Variants in RGPD2 observed in about 807,000 individuals in gnomAD.
RGPD2 encodes the protein RANBP2 like and GRIP domain containing 2, also known as RANBP2-like and GRIP domain-containing protein 2.
A neutral mutation model predicts 36.0 loss-of-function variants in RGPD2; 2 were observed. That is an observed-to-expected ratio of 0.06 (90% CI 0.02 to 0.17). The LOEUF (loss-of-function observed/expected upper bound fraction) is 0.17, where lower values mean the gene tolerates loss of function less well. Ranked by LOEUF, RGPD2 falls within the 10% of genes least tolerant of loss-of-function variation. The probability of loss-of-function intolerance (pLI) is 1.00; values close to 1 mark genes in which losing one functional copy is unlikely to be tolerated. For missense variants in RGPD2, 40 were observed against 464.3 expected (o/e 0.09, Z 8.40); for synonymous variants, 19 against 163.8 (o/e 0.12, Z 6.75).
the RGPD2 span, among the ~76,000 whole-genome samples, chr2:87,989,439 A>G: frequency 1.3e-5 from 2 of 152,218 alleles, no homozygotes; most frequent in East Asian, 1.9e-4. Flanking sequence ...TAATGAGATG[A>G]CAAAAAATCA....
the RGPD2 span, chr2:87,985,653 A>C: frequency 3.0e-6 from 4 of 1,327,962 alleles, no homozygotes; most frequent in Non-Finnish European, 4.3e-6. Flanking sequence ...ATGTAGTCTC[A>C]ATGTTATATT....
the RGPD2 span, among the ~76,000 whole-genome samples, chr2:87,976,322 A>G: frequency 6.6e-6 from 1 of 152,232 alleles, no homozygotes; most frequent in Non-Finnish European, 1.5e-5. Context: ...ATTGAAAATT[A>G]TCTAGTGCAA....
chr2:87,983,829 T>C, the RGPD2 span, among the ~76,000 whole-genome samples: 57 of 152,106 alleles, frequency 3.7e-4, no homozygotes, highest in Admixed American at 3.3e-3. Flanking sequence ...AGAAACATGC[T>C]GGCAGTGCTC....
chr2:87,842,973 T>G, the RGPD2 span, among the ~76,000 whole-genome samples: 3 of 149,700 alleles, frequency 2.0e-5, no homozygotes, highest in African/African-American at 7.4e-5. Flanking sequence ...GGATTCCCTA[T>G]TTAATAAATG....
chr2:87,939,953 A>C, the RGPD2 span, among the ~76,000 whole-genome samples: 1 of 152,112 alleles, frequency 6.6e-6, no homozygotes, highest in Admixed American at 6.6e-5. Context: ...CTTTAAGAGC[A>C]TGAACATTTT....
chr2:87,772,827 A>G (rs1419702491), intron 21 of RGPD2, among the ~76,000 whole-genome samples: 1 of 150,968 alleles, frequency 6.6e-6, no homozygotes, highest in Admixed American at 6.6e-5. Flanking sequence ...CTTACCAAGT[A>G]TCACTGACAG....
At chr2:87,915,385 G>GTATATATGTACATTATATATATTGTA in the RGPD2 span, among the ~76,000 whole-genome samples, 1 of 109,090 alleles carries the variant, frequency 9.2e-6, no homozygotes. Context: ...TATATATATT[G>GTATATATGTACATTATATATATTGTA]TATATATATG....
chr2:87,988,541 A>ATATATATATTT, the RGPD2 span, among the ~76,000 whole-genome samples: 3,267 of 53,960 alleles, frequency 0.061, 326 homozygotes, highest in Non-Finnish European at 0.1. Flanking sequence ...ATATATATAT[A>ATATATATATTT]TTTTTTTTTT....
chr2:87,915,458 C>CGT, the RGPD2 span, among the ~76,000 whole-genome samples: 1 of 132,802 alleles, frequency 7.5e-6, no homozygotes, highest in South Asian at 2.3e-4. Context: ...TACACATATA[C>CGT]ACATATATGT....
chr2:87,853,418 C>T, the RGPD2 span, among the ~76,000 whole-genome samples: 2 of 151,434 alleles, frequency 1.3e-5, no homozygotes, highest in African/African-American at 4.8e-5. Context: ...GAGACAGGAT[C>T]TTGCGATGTT....
At chr2:87,894,749 GA>G in the RGPD2 span, among the ~76,000 whole-genome samples, 3 of 134,026 alleles carry the variant, frequency 2.2e-5, no homozygotes, top group Non-Finnish European at 3.2e-5. Flanking sequence ...GTTGAGCAGT[GA>G]AAAAAATTAA....
At chr2:87,940,373 C>T in the RGPD2 span, among the ~76,000 whole-genome samples, 3 of 150,970 alleles carry the variant, frequency 2.0e-5, no homozygotes, top group Admixed American at 6.6e-5. Flanking sequence ...TGAATTATCA[C>T]TTCCCATCTT....
chr2:87,870,734 A>T, the RGPD2 span, among the ~76,000 whole-genome samples: 1 of 151,970 alleles, frequency 6.6e-6, no homozygotes, highest in East Asian at 2.0e-4. Context: ...TGCCTCACAA[A>T]CATATATAAT....
the RGPD2 span, among the ~76,000 whole-genome samples, chr2:87,983,703 TAGAG>T: frequency 6.9e-6 from 1 of 144,798 alleles, no homozygotes; most frequent in Non-Finnish European, 1.5e-5. Flanking sequence ...TGTAATTCTA[TAGAG>T]AGAGACAGGA....
At chr2:87,979,312 T>TAA in the RGPD2 span, among the ~76,000 whole-genome samples, 36 of 46,132 alleles carry the variant, frequency 7.8e-4, no homozygotes, top group Non-Finnish European at 1.1e-3. Context: ...ATTCATGACT[T>TAA]AAAAAAAAAA....
the RGPD2 span, among the ~76,000 whole-genome samples, chr2:87,907,203 GA>G: frequency 8.4e-6 from 1 of 119,258 alleles, no homozygotes; most frequent in African/African-American, 3.1e-5. Flanking sequence ...TCATAGGTGG[GA>G]ATTGAACAAT....
At chr2:87,947,391 C>T in the RGPD2 span, among the ~76,000 whole-genome samples, 2 of 152,298 alleles carry the variant, frequency 1.3e-5, no homozygotes, top group East Asian at 1.9e-4. Context: ...GCCAGCTGGA[C>T]TTCCTGGGTC....
At chr2:87,984,793 G>A in the RGPD2 span, among the ~76,000 whole-genome samples, 26 of 151,686 alleles carry the variant, frequency 1.7e-4, no homozygotes, top group Non-Finnish European at 3.1e-4. Context: ...AGCCGGGCGT[G>A]GTGGCGGGCG....
chr2:87,827,070 TTCTC>T (rs1046996017), upstream of RGPD2, among the ~76,000 whole-genome samples: 1 of 151,194 alleles, frequency 6.6e-6, no homozygotes, highest in Non-Finnish European at 1.5e-5. Flanking sequence ...TTTCTCTCTG[TTCTC>T]TCTTTCTCTC....
Sources: gnomAD v4.1 joint callset for allele counts (sites outside exome capture counted in the v4.1 genomes callset) on GRCh38, gnomAD v4.1.1 for gene constraint, MANE v1.5 for transcripts, NCBI Gene and HGNC (gene_info 2026-07-23, HGNC 2026-07-21) for gene names.